Variants in LRRK1 observed in about 807,000 individuals in gnomAD.
LRRK1 encodes leucine-rich repeat serine/threonine-protein kinase 1.
Under a neutral mutation model 209.1 loss-of-function variants are expected in LRRK1, and 113 were observed. The ratio of observed to expected loss-of-function variants is 0.54; its 90% CI spans 0.46 to 0.63. LRRK1 has a LOEUF of 0.63. Ranked by LOEUF, LRRK1 falls within the 30% of genes least tolerant of loss-of-function variation. The pLI, the probability that LRRK1 is intolerant of heterozygous loss-of-function variation, is 0.00. For missense variants in LRRK1, 2,284 were observed against 2,632.2 expected, an observed-to-expected ratio of 0.87 and a Z score of 2.89; for synonymous variants, 1,144 against 1,099.7, an observed-to-expected ratio of 1.04 and a Z score of -0.80.
In LRRK1 at chr15:101,065,804, G is replaced by A. The variant is rs770183084; in HGVS notation, c.5367G>A (p.Val1789=). Residue 1789 remains valine, a synonymous_variant, in exon 32 of 34, where the codon GTG becomes GTA. Coordinates refer to ENST00000388948, the MANE Select transcript of LRRK1 (RefSeq NM_024652.6). ...VPSPLRDMFP[V]RPLDTEPPAA... ...GCCCCCTCAGGGACATGTTTCCCGT[G>A]CGGCCCTTGGACACGGAACCCCCGG... 2 of 1,614,066 alleles carry A rather than the reference G, an allele frequency of 1.2e-6. No homozygotes were observed. Among genetic ancestry groups the A allele is most frequent in the Middle Eastern group, 1.7e-4 (1 of 6,060 alleles).
In LRRK1 at chr15:101,024,130, G is replaced by A. The variant is rs561658887; in HGVS notation, c.2068-673G>A. Among the ~76,000 whole-genome samples, 7 of 152,218 alleles carry A rather than the reference G, an allele frequency of 4.6e-5. No individual in the cohort carries two copies. In the South Asian group the frequency reaches 8.3e-4, roughly 18 times the overall value. On this transcript the variant is annotated intron_variant, in intron 15 of 33. Transcript: ENST00000388948. This position sits in a 1 kb window ranked among gnomAD's most constrained non-coding sequence, Gnocchi z 4.6. ...TGAGCCCGCCGCTCTCTCTGTGGCC[G>A]GCCTCAGCCAGTTGAGAACAGCTGT...
In LRRK1 at chr15:101,024,755, C is replaced by G. The variant is rs546328695; in HGVS notation, c.2068-48C>G. 42 of 1,587,810 alleles carry G rather than the reference C, an allele frequency of 2.6e-5. 1 individual carries two copies. The highest frequency in any genetic ancestry group is 1.7e-4 in the Middle Eastern group (1 of 5,950). On this transcript the variant is annotated intron_variant, in intron 15 of 33. Transcript: ENST00000388948. This position sits in a 1 kb window ranked among gnomAD's most constrained non-coding sequence, Gnocchi z 4.6. Reference sequence around the variant, plus strand: ...GTTGTCTCCGTTTGATTGACTGAAGCCTTTGTCTCTAAAATGCCTCCCTGT... The same window carrying G: ...GTTGTCTCCGTTTGATTGACTGAAGGCTTTGTCTCTAAAATGCCTCCCTGT...
At chr15:101,062,328 T>G in intron 30 of LRRK1, 1 of 394,326 alleles carries the variant, frequency 2.5e-6, no homozygotes, top group Non-Finnish European at 4.6e-6. Flanking sequence ...CAGATCCCAA[T>G]GTTGGTTTTC....
Position 101,021,672 on chromosome 15 carries a change from C to G in LRRK1, c.1740-173C>G, listed in dbSNP as rs370213243. The G allele has an allele frequency of 8.2e-5, 47 of 574,420 alleles. 2 individuals carry two copies. The highest frequency in any genetic ancestry group is 2.3e-4 in the Admixed American group (7 of 30,186). The allele number at this position is 574,420 out of a possible 1,614,324, so 35.6% of individuals were successfully genotyped here. ...GAAGACAGAGCTGCCGTTTCTATCA[C>G]TGATCCTCCAGGAGAAAGCCTTTGG... On this transcript the variant is annotated intron_variant, in intron 13 of 33. Transcript: ENST00000388948.
Position 100,974,152 on chromosome 15 carries a change from T to G in LRRK1, c.261+185T>G, listed in dbSNP as rs555258151. The G allele has an allele frequency of 7.3e-5, 33 of 452,884 alleles. 1 individual carries two copies. Among genetic ancestry groups the G allele is most frequent in the African/African-American group, 5.8e-4 (29 of 49,640 alleles). The allele number at this position is 452,884 out of a possible 1,614,324, so 28.1% of individuals were successfully genotyped here. On this transcript the variant is annotated intron_variant, in intron 3 of 33. Coordinates refer to ENST00000388948, the MANE Select transcript of LRRK1 (RefSeq NM_024652.6). The stretch of plus-strand genomic sequence containing the variant: ...TTCCAACTGACTTCTCAGTCTGATA[T>G]CACCTAAGCAGGCCCCTGCCACCTT...
chr15:101,019,807 TTAG>T (rs995822067), intron 12 of LRRK1, among the ~76,000 whole-genome samples: 2 of 152,186 alleles, frequency 1.3e-5, no homozygotes, highest in African/African-American at 2.4e-5. Context: ...TCTCCAGGCC[TTAG>T]TAGGGAGGAT....
rs1249801295 is a variant in LRRK1 at position 101,024,996 on chromosome 15, T to C, written c.2232+29T>C. ...AGGACACCAGACGCCAGCCCTGCCA[T>C]TTCAGTGCCCAGAGCTTTGCAGGTC... On this transcript the variant is annotated intron_variant, in intron 16 of 33. Transcript: ENST00000388948. The surrounding 1 kb of genome is among the most constrained non-coding windows in gnomAD (Gnocchi z 4.6). The C allele has an allele frequency of 6.2e-7, 1 of 1,604,154 alleles. No homozygotes were observed. Among genetic ancestry groups the C allele is most frequent in the Admixed American group, 1.7e-5 (1 of 59,786 alleles).
chr15:100,937,176 A>C (rs1382711610), intron 2 of LRRK1, among the ~76,000 whole-genome samples: 1 of 152,218 alleles, frequency 6.6e-6, no homozygotes, highest in African/African-American at 2.4e-5. Context: ...ATATTTTAGC[A>C]TGAAGTTGAT....
intron 2 of LRRK1, among the ~76,000 whole-genome samples, chr15:100,963,004 G>A (rs1037541763): frequency 3.4e-5 from 5 of 148,840 alleles, no homozygotes; most frequent in Non-Finnish European, 7.4e-5. Flanking sequence ...TGTATTTTTA[G>A]TAGAGATGGG....
At chr15:100,957,924 G>A (rs777903735) in intron 2 of LRRK1, among the ~76,000 whole-genome samples, 3 of 152,212 alleles carry the variant, frequency 2.0e-5, no homozygotes, top group Non-Finnish European at 2.9e-5. Flanking sequence ...GGAGTGCAGT[G>A]GCGTGATCTC....
chr15:101,054,094 G>A (rs758342126), intron 26 of LRRK1, among the ~76,000 whole-genome samples: 4 of 151,952 alleles, frequency 2.6e-5, no homozygotes, highest in South Asian at 2.1e-4. Flanking sequence ...TCCTCCCACC[G>A]CAACTTCCCG....
intron 9 of LRRK1, 33 bp from the exon 10 acceptor site, chr15:101,011,975 A>G (rs72765101): frequency 0.059 from 90,521 of 1,524,660 alleles, 3,051 homozygotes; most frequent in South Asian, 0.071. Flanking sequence ...AGAGCTAACT[A>G]ATATACATTT....
chr15:100,953,001 C>A (rs568198433), intron 2 of LRRK1, among the ~76,000 whole-genome samples: 4 of 152,058 alleles, frequency 2.6e-5, no homozygotes, highest in Non-Finnish European at 5.9e-5. Context: ...GGTATAATTG[C>A]CAAATAAAAA....
intron 21 of LRRK1, among the ~76,000 whole-genome samples, chr15:101,046,381 T>G (rs1349431385): frequency 1.3e-5 from 2 of 152,218 alleles, no homozygotes; most frequent in African/African-American, 2.4e-5. Flanking sequence ...GAACACGCCC[T>G]TTATAAACAG....
chr15:101,052,917 G>T lies in LRRK1; in HGVS notation c.3690-5G>T. ...GATGTGGCTGATGCCGGGCGTGTGTGGCAGGCTCTTCCTGGAGAACAGCAA... is the reference window on the plus strand; with the variant it reads ...GATGTGGCTGATGCCGGGCGTGTGTTGCAGGCTCTTCCTGGAGAACAGCAA... On this transcript the variant is annotated splice_region_variant and splice_polypyrimidine_tract_variant and intron_variant, in intron 24 of 33. Coordinates refer to ENST00000388948, the MANE Select transcript of LRRK1 (RefSeq NM_024652.6). 1 of 1,602,742 alleles carries T rather than the reference G, an allele frequency of 6.2e-7. No individual in the cohort carries two copies. The highest frequency in any genetic ancestry group is 8.5e-7 in the Non-Finnish European group (1 of 1,171,410).
intron 16 of LRRK1, among the ~76,000 whole-genome samples, chr15:101,025,382 A>T (rs1291795478): frequency 6.6e-6 from 1 of 152,200 alleles, no homozygotes; most frequent in Non-Finnish European, 1.5e-5. Context: ...CCTCAGGTTC[A>T]CGGAGAATGA....
At chr15:100,952,894 A>G (rs2042682517) in intron 2 of LRRK1, among the ~76,000 whole-genome samples, 1 of 152,202 alleles carries the variant, frequency 6.6e-6, no homozygotes, top group Admixed American at 6.5e-5. Flanking sequence ...CTTTTAACAG[A>G]ATCTATTGAC....
intron 1 of LRRK1, among the ~76,000 whole-genome samples, chr15:100,922,844 C>T (rs978972148): frequency 1.3e-5 from 2 of 152,152 alleles, no homozygotes; most frequent in Non-Finnish European, 2.9e-5. Context: ...GCCTCTGAAA[C>T]ATGTGCAGCT....
chr15:101,066,376 A>C (rs56161427), intron 32 of LRRK1, among the ~76,000 whole-genome samples, 171 bp downstream of exon 32: 6,956 of 152,282 alleles, frequency 0.046, 516 homozygotes, highest in African/African-American at 0.16. Flanking sequence ...CGCTTTAGCA[A>C]ATCTAAGAGT....
Sources: allele counts gnomAD v4.1 joint callset (sites outside exome capture counted in the v4.1 genomes callset), GRCh38; gene constraint gnomAD v4.1.1; non-coding constraint Gnocchi (gnomAD v3.1); transcripts MANE v1.5; gene names NCBI Gene and HGNC (gene_info 2026-07-23, HGNC 2026-07-21).